TBC1D32: variants seen among roughly 807,000 people sequenced by gnomAD.
TBC1D32 encodes the protein TBC1 domain family member 32.
Under a neutral mutation model 170.3 loss-of-function variants are expected in TBC1D32, and 151 were observed. The ratio of observed to expected loss-of-function variants is 0.89; its 90% CI spans 0.78 to 1.01. The LOEUF is 1.01. TBC1D32 is among the 50% of genes least tolerant of loss of function. TBC1D32 has a pLI of 0.00. For missense variants in TBC1D32, 1,464 were observed against 1,457.1 expected, an observed-to-expected ratio of 1.00 and a Z score of -0.08; for synonymous variants, 498 against 488.0, an observed-to-expected ratio of 1.02 and a Z score of -0.27.
chr6:121,088,312 T>A (rs1055513686), intron 31 of TBC1D32, among the ~76,000 whole-genome samples: 2 of 152,178 alleles, frequency 1.3e-5, no homozygotes, highest in Admixed American at 6.5e-5. Context: ...AGATTTTGAA[T>A]AGGAAAGTGT....
At chr6:121,334,196 T>G (rs1400007585) in intron 1 of TBC1D32, 80 bp downstream of exon 1, 3 of 1,185,406 alleles carry the variant, frequency 2.5e-6, no homozygotes, top group Non-Finnish European at 2.3e-6. Flanking sequence ...AAACAATAAA[T>G]AAATTAACAC....
intron 15 of TBC1D32, among the ~76,000 whole-genome samples, chr6:121,271,221 T>C (rs1801363339): frequency 2.0e-5 from 3 of 152,104 alleles, no homozygotes; most frequent in African/African-American, 4.8e-5. Flanking sequence ...GATGCCCTCT[T>C]TCACCACTCC....
intron 22 of TBC1D32, among the ~76,000 whole-genome samples, chr6:121,182,865 T>A (rs1281420451): frequency 1.3e-5 from 2 of 151,986 alleles, no homozygotes; most frequent in Non-Finnish European, 2.9e-5. Context: ...TCAACAATTA[T>A]CCGTGTTAAA....
intron 21 of TBC1D32, among the ~76,000 whole-genome samples, chr6:121,210,610 A>C (rs954998400): frequency 5.9e-5 from 9 of 152,214 alleles, no homozygotes; most frequent in Admixed American, 5.2e-4. Flanking sequence ...AAATGCAAGC[A>C]CTGCTGTGAA....
At chr6:121,170,294 T>C (rs1665463879) in intron 22 of TBC1D32, 21 of 1,072,772 alleles carry the variant, frequency 2.0e-5, no homozygotes, top group South Asian at 3.9e-5. Flanking sequence ...TTTAAATTGA[T>C]TGAATTTAGA....
chr6:121,200,521 T>G (rs1237050879), intron 22 of TBC1D32, among the ~76,000 whole-genome samples: 1 of 151,650 alleles, frequency 6.6e-6, no homozygotes, highest in East Asian at 1.9e-4. Flanking sequence ...ATCAAAAGTT[T>G]CCAGGCAACT....
At chr6:121,220,884 C>A (rs1434077531) in intron 21 of TBC1D32, among the ~76,000 whole-genome samples, 1 of 151,940 alleles carries the variant, frequency 6.6e-6, no homozygotes, top group Non-Finnish European at 1.5e-5. Context: ...CAGGTGATCT[C>A]CCCACCTCGG....
chr6:121,292,303 T>C (rs1051817705), intron 11 of TBC1D32, 110 bp from the exon 12 acceptor site: 7 of 1,125,182 alleles, frequency 6.2e-6, no homozygotes, highest in African/African-American at 3.2e-5. Context: ...AATGGAGACA[T>C]TACTGGTCAA....
chr6:121,330,869 G>A (rs1031327752), intron 1 of TBC1D32, among the ~76,000 whole-genome samples: 21 of 152,106 alleles, frequency 1.4e-4, no homozygotes, highest in Non-Finnish European at 2.6e-4. Flanking sequence ...TGAAAGCAAC[G>A]TACTCTTCTC....
At chr6:121,306,111 C>A (rs1807287501) in intron 5 of TBC1D32, among the ~76,000 whole-genome samples, 1 of 152,030 alleles carries the variant, frequency 6.6e-6, no homozygotes, top group African/African-American at 2.4e-5. Context: ...TTAAAGATAA[C>A]CCTGAGATAA....
intron 24 of TBC1D32, among the ~76,000 whole-genome samples, chr6:121,136,010 A>G (rs925634032): frequency 1.3e-5 from 2 of 152,180 alleles, no homozygotes; most frequent in African/African-American, 4.8e-5. Context: ...TGTAAAGCTA[A>G]TAATGTCTAA....
At chr6:121,135,763 G>A (rs1781986644) in intron 24 of TBC1D32, among the ~76,000 whole-genome samples, 1 of 152,122 alleles carries the variant, frequency 6.6e-6, no homozygotes, top group Admixed American at 6.6e-5. Context: ...GTTACAAGAT[G>A]TCCAAGTTCC....
At chr6:121,328,722 A>AC (rs1485019739) in intron 1 of TBC1D32, among the ~76,000 whole-genome samples, 2 of 152,228 alleles carry the variant, frequency 1.3e-5, no homozygotes, top group Admixed American at 1.3e-4. Flanking sequence ...ACCTTAGGCA[A>AC]AACACCTGAC....
intron 24 of TBC1D32, among the ~76,000 whole-genome samples, chr6:121,154,008 T>C (rs942950160): frequency 6.8e-6 from 1 of 146,232 alleles, no homozygotes; most frequent in African/African-American, 2.6e-5. Context: ...AATGGTTCTG[T>C]CTTGATGGCA....
chr6:121,243,010 A>G (rs1797182910), intron 17 of TBC1D32, among the ~76,000 whole-genome samples: 1 of 151,940 alleles, frequency 6.6e-6, no homozygotes, highest in African/African-American at 2.4e-5. Context: ...ATATATAAAT[A>G]TATACATTAA....
chr6:121,245,093 G>T (rs1797430181), intron 17 of TBC1D32, among the ~76,000 whole-genome samples: 1 of 152,182 alleles, frequency 6.6e-6, no homozygotes, highest in South Asian at 2.1e-4. Flanking sequence ...TAACACCACT[G>T]CCTGCAACAC....
chr6:121,125,430 A>C (rs936266846), intron 26 of TBC1D32, among the ~76,000 whole-genome samples: 1 of 152,022 alleles, frequency 6.6e-6, no homozygotes, highest in Non-Finnish European at 1.5e-5. Flanking sequence ...TATAAGGAAG[A>C]CTGGAGTTGA....
At chr6:121,134,546 T>C (rs1781801558) in intron 24 of TBC1D32, among the ~76,000 whole-genome samples, 3 of 152,062 alleles carry the variant, frequency 2.0e-5, no homozygotes, top group East Asian at 1.9e-4. Context: ...AATAAAGAAA[T>C]GCTGAGCTGA....
intron 24 of TBC1D32, among the ~76,000 whole-genome samples, chr6:121,146,468 G>A (rs1783463532): frequency 6.6e-6 from 1 of 152,078 alleles, no homozygotes; most frequent in African/African-American, 2.4e-5. Flanking sequence ...GCTCTTTACT[G>A]GCTATTTCTA....
Sources: allele counts gnomAD v4.1 joint callset (sites outside exome capture counted in the v4.1 genomes callset), GRCh38; gene constraint gnomAD v4.1.1; transcripts MANE v1.5; gene names NCBI Gene and HGNC (gene_info 2026-07-23, HGNC 2026-07-21).